Variants in ESR1 observed in about 807,000 individuals in gnomAD.
ESR1 encodes estrogen receptor 1.
ESR1 carries 12 observed loss-of-function variants against 52.7 expected under a neutral mutation model. That is an observed-to-expected ratio of 0.23 (90% confidence interval 0.15 to 0.37). The LOEUF (loss-of-function observed/expected upper bound fraction) is 0.37, where lower values mean the gene tolerates loss of function less well. Ranked by LOEUF, ESR1 falls within the 10% of genes least tolerant of loss-of-function variation. ESR1 has a pLI of 1.00. For synonymous variants in ESR1, 305 were observed against 316.8 expected, an observed-to-expected ratio of 0.96 and a Z score of 0.39; for missense variants, 584 against 779.7, an observed-to-expected ratio of 0.75 and a Z score of 2.99.
chr6:151,982,647 G>T (rs2040107200), intron 4 of ESR1, among the ~76,000 whole-genome samples: 1 of 151,792 alleles, frequency 6.6e-6, no homozygotes, highest in Non-Finnish European at 1.5e-5. Context: ...ACCACACCTG[G>T]CTAATTTTTT....
intron 5 of ESR1, among the ~76,000 whole-genome samples, chr6:152,059,545 A>G (rs897403738): frequency 5.3e-5 from 8 of 152,156 alleles, no homozygotes; most frequent in Admixed American, 2.0e-4. Flanking sequence ...TGTGAAAATG[A>G]CAAATAACAG....
At chr6:152,104,896 GC>G (rs758409141), downstream of ESR1, among the ~76,000 whole-genome samples, 20 of 152,168 alleles carry the variant, frequency 1.3e-4, no homozygotes, top group Non-Finnish European at 2.5e-4. Flanking sequence ...CTCTTGAGAG[GC>G]TCTGGAGAGG....
At chr6:151,846,026 A>G (rs1785054385) in intron 2 of ESR1, among the ~76,000 whole-genome samples, 1 of 152,140 alleles carries the variant, frequency 6.6e-6, no homozygotes, top group Non-Finnish European at 1.5e-5. Flanking sequence ...GCAGTGTCTT[A>G]TAGGATCCAA....
At chr6:151,866,546 C>G (rs1035881324) in intron 2 of ESR1, among the ~76,000 whole-genome samples, 1 of 151,640 alleles carries the variant, frequency 6.6e-6, no homozygotes, top group Non-Finnish European at 1.5e-5. Context: ...TCTCATTGTT[C>G]AGCTCCCACT....
intron 2 of ESR1, among the ~76,000 whole-genome samples, chr6:151,715,093 T>C (rs1780925684): frequency 6.6e-6 from 1 of 152,226 alleles, no homozygotes; most frequent in South Asian, 2.1e-4. Flanking sequence ...CTTTCACTTA[T>C]GAAGCTTAGT....
chr6:152,126,385 A>G (rs1289937745), exon 7 of ESR1: 1 of 152,208 alleles, frequency 6.6e-6, no homozygotes, highest in Non-Finnish European at 1.5e-5. Flanking sequence ...CTGTGCTAAA[A>G]ATCACCTAAG....
intron 5 of ESR1, among the ~76,000 whole-genome samples, chr6:152,040,300 G>A (rs960211477): frequency 1.3e-5 from 2 of 152,182 alleles, no homozygotes; most frequent in African/African-American, 4.8e-5. Context: ...CCTATTGGGC[G>A]ATGACAATGG....
intron 2 of ESR1, among the ~76,000 whole-genome samples, chr6:151,752,297 A>T (rs1231137873): frequency 3.3e-5 from 5 of 152,228 alleles, no homozygotes; most frequent in Non-Finnish European, 7.3e-5. Context: ...ATAATAAAGA[A>T]AAATTAGCAA....
intron 4 of ESR1, among the ~76,000 whole-genome samples, chr6:151,993,587 G>A (rs371160696): frequency 5.0e-4 from 76 of 152,302 alleles, no homozygotes; most frequent in African/African-American, 1.6e-3. Context: ...TGCAGATCCC[G>A]CTCTTCTCAA....
intron 5 of ESR1, among the ~76,000 whole-genome samples, chr6:152,031,820 T>G (rs62429673): frequency 2.6e-5 from 4 of 152,154 alleles, no homozygotes; most frequent in Admixed American, 6.5e-5. Context: ...TACCAAAGCC[T>G]GGCAGAGACA....
intron 3 of ESR1, among the ~76,000 whole-genome samples, chr6:151,888,408 T>A (rs1794202829): frequency 6.6e-6 from 1 of 152,186 alleles, no homozygotes; most frequent in Non-Finnish European, 1.5e-5. Flanking sequence ...TCCCAAATAT[T>A]TTGTTTTATT....
intron 1 of ESR1, among the ~76,000 whole-genome samples, chr6:151,667,197 A>G (rs1412290767): frequency 6.6e-6 from 1 of 152,152 alleles, no homozygotes; most frequent in African/African-American, 2.4e-5. Context: ...TTCCACATGG[A>G]GTTTGTATGT....
At chr6:151,709,445 G>A (rs1780420991) in intron 2 of ESR1, among the ~76,000 whole-genome samples, 1 of 152,100 alleles carries the variant, frequency 6.6e-6, no homozygotes. Context: ...AATAAACATG[G>A]GAGTGCAGAT....
At chr6:151,753,875 T>C (rs576526320) in intron 2 of ESR1, among the ~76,000 whole-genome samples, 5 of 152,326 alleles carry the variant, frequency 3.3e-5, no homozygotes, top group Admixed American at 2.6e-4. Context: ...ACTTTTCCTC[T>C]TGTGGGCCTG....
Position 152,125,271 on chromosome 6 carries a change from TCA to T in ESR1, c.859_860del (p.His287CysfsTer13). Reference sequence around the variant, plus strand: ...AGGTCGTATTCATTTCACAGGTATCTCACATGTAGAAGCAAAGAAGAGAATCC... The same window carrying T: ...AGGTCGTATTCATTTCACAGGTATCTCATGTAGAAGCAAAGAAGAGAATCC... On this transcript the variant is annotated frameshift_variant, in exon 7 of 7. Coordinates refer to the ESR1 transcript ENST00000427531. LOFTEE classifies it low-confidence loss of function (END_TRUNC). The T allele has an allele frequency of 6.5e-7, 1 of 1,550,284 alleles. No individual in the cohort carries two copies. Among genetic ancestry groups the T allele is most frequent in the Non-Finnish European group, 8.7e-7 (1 of 1,146,822 alleles).
intron 4 of ESR1, among the ~76,000 whole-genome samples, chr6:151,967,187 C>CT (rs1222850160): frequency 2.6e-5 from 4 of 151,954 alleles, no homozygotes; most frequent in Admixed American, 6.6e-5. Context: ...AGAATGATCT[C>CT]TTTTTTTTAA....
chr6:152,022,859 C>T (rs2043798433), intron 5 of ESR1, among the ~76,000 whole-genome samples: 1 of 151,814 alleles, frequency 6.6e-6, no homozygotes, highest in South Asian at 2.1e-4. Context: ...TGCCTGTAAT[C>T]CCAGCTACTC....
At chr6:152,005,028 C>CT (rs144742377) in intron 4 of ESR1, among the ~76,000 whole-genome samples, 4,948 of 151,966 alleles carry the variant, frequency 0.033, 254 homozygotes, top group African/African-American at 0.11. Context: ...AAGAACACCA[C>CT]TTTGTTTCCC....
intron 2 of ESR1, among the ~76,000 whole-genome samples, chr6:151,790,092 C>A (rs1277557127): frequency 1.3e-5 from 2 of 152,186 alleles, no homozygotes; most frequent in Admixed American, 1.3e-4. Flanking sequence ...TGGCACCACA[C>A]CCTCTGGCTG....
Sources: allele counts gnomAD v4.1 joint callset (sites outside exome capture counted in the v4.1 genomes callset), GRCh38; gene constraint gnomAD v4.1.1; transcripts MANE v1.5; gene names NCBI Gene and HGNC (gene_info 2026-07-23, HGNC 2026-07-21).